PDLIM5: variants seen among roughly 807,000 people sequenced by gnomAD.
PDLIM5 encodes the protein PDZ and LIM domain 5, also known as PDZ and LIM domain protein 5.
PDLIM5 carries 34 observed loss-of-function variants against 64.2 expected under a neutral mutation model. That is an observed-to-expected ratio of 0.53 (90% CI 0.40 to 0.71). The LOEUF is 0.71. PDLIM5 is among the 30% of genes least tolerant of loss of function. PDLIM5 has a pLI of 0.00. For synonymous variants in PDLIM5, 253 were observed against 269.1 expected, an observed-to-expected ratio of 0.94 and a Z score of 0.59; for missense variants, 683 against 733.6, an observed-to-expected ratio of 0.93 and a Z score of 0.80.
chr4:94,478,156 C>T (rs1047589246), intron 2 of PDLIM5, among the ~76,000 whole-genome samples: 6 of 149,926 alleles, frequency 4.0e-5, no homozygotes, highest in Admixed American at 1.3e-4. Flanking sequence ...CTTAGGAAGC[C>T]GAGGCAGGAG....
At chr4:94,585,938 G>A (rs1206789549) in intron 6 of PDLIM5, among the ~76,000 whole-genome samples, 2 of 152,136 alleles carry the variant, frequency 1.3e-5, no homozygotes, top group Non-Finnish European at 2.9e-5. Flanking sequence ...TTGGGAGGCC[G>A]AGGCAGGCAG....
At chr4:94,600,980 G>A (rs552960822) in intron 7 of PDLIM5, among the ~76,000 whole-genome samples, 1 of 152,256 alleles carries the variant, frequency 6.6e-6, no homozygotes, top group South Asian at 2.1e-4. Flanking sequence ...AATCCATTAT[G>A]GAGTGGCAAC....
chr4:94,509,950 G>A (rs927034550), intron 2 of PDLIM5, among the ~76,000 whole-genome samples: 6 of 152,100 alleles, frequency 3.9e-5, no homozygotes, highest in African/African-American at 7.2e-5. Context: ...TCAATACTTT[G>A]TATCCTTCAA....
intron 3 of PDLIM5, among the ~76,000 whole-genome samples, chr4:94,551,062 T>A (rs1459692349): frequency 6.6e-6 from 1 of 152,078 alleles, no homozygotes; most frequent in Non-Finnish European, 1.5e-5. Flanking sequence ...AAGAACAAGA[T>A]GAAAGGATAC....
At chr4:94,508,988 C>T (rs1424823279) in intron 2 of PDLIM5, among the ~76,000 whole-genome samples, 1 of 152,130 alleles carries the variant, frequency 6.6e-6, no homozygotes, top group African/African-American at 2.4e-5. Context: ...ATACTTCTTT[C>T]CTTTTTTTGT....
intron 3 of PDLIM5, among the ~76,000 whole-genome samples, chr4:94,537,294 T>G (rs1731400271): frequency 6.6e-6 from 1 of 152,206 alleles, no homozygotes; most frequent in Non-Finnish European, 1.5e-5. Context: ...CACTTTTTCC[T>G]GTTACAATGA....
At chr4:94,502,031 T>C (rs1330143827) in intron 2 of PDLIM5, among the ~76,000 whole-genome samples, 1 of 152,154 alleles carries the variant, frequency 6.6e-6, no homozygotes. Flanking sequence ...TTTTCTCTCT[T>C]CGTTTCCTTC....
intron 9 of PDLIM5, among the ~76,000 whole-genome samples, chr4:94,640,979 G>C (rs998858369): frequency 6.6e-6 from 1 of 152,128 alleles, no homozygotes; most frequent in African/African-American, 2.4e-5. Flanking sequence ...TTTAAAATAC[G>C]TTTTATCCCA....
chr4:94,615,517 G>GA (rs1234270264), intron 7 of PDLIM5, among the ~76,000 whole-genome samples: 1 of 151,702 alleles, frequency 6.6e-6, no homozygotes, highest in Non-Finnish European at 1.5e-5. Flanking sequence ...ATAGAATCTG[G>GA]AAAAAAAAGG....
At chr4:94,458,764 A>G (rs1340474065) in intron 2 of PDLIM5, among the ~76,000 whole-genome samples, 1 of 152,242 alleles carries the variant, frequency 6.6e-6, no homozygotes, top group Non-Finnish European at 1.5e-5. Context: ...TGCTGAATAC[A>G]ACTTGTATCC....
intron 5 of PDLIM5, among the ~76,000 whole-genome samples, chr4:94,580,051 A>G (rs561785594): frequency 6.6e-6 from 1 of 152,254 alleles, no homozygotes; most frequent in African/African-American, 2.4e-5. Flanking sequence ...CATCTTTGAA[A>G]TTTGTTAAGA....
Position 94,488,357 on chromosome 4 carries a change from T to C in PDLIM5, c.96+32973T>C, listed in dbSNP as rs142795391. Among the ~76,000 whole-genome samples, 4 of 152,362 alleles carry C rather than the reference T, an allele frequency of 2.6e-5. No individual in the cohort carries two copies. In the East Asian group the frequency reaches 7.7e-4, roughly 29 times the overall value. ...CATTTTCAAGTTTCCTAGCAATTTT[T>C]ATTACTTCCATTTTATTGGGAAAAT... On this transcript the variant is annotated intron_variant, in intron 2 of 12. Coordinates refer to ENST00000317968, the MANE Select transcript of PDLIM5 (RefSeq NM_006457.5).
intron 2 of PDLIM5, among the ~76,000 whole-genome samples, chr4:94,497,092 T>A (rs574012828): frequency 1.1e-4 from 17 of 152,218 alleles, no homozygotes; most frequent in Non-Finnish European, 2.5e-4. Flanking sequence ...ATCTAAGAAT[T>A]GCTTAAGACT....
intron 2 of PDLIM5, among the ~76,000 whole-genome samples, chr4:94,517,495 A>G (rs1366989540): frequency 6.6e-6 from 1 of 152,212 alleles, no homozygotes; most frequent in Admixed American, 6.5e-5. Flanking sequence ...CTGCCTCAAG[A>G]AAGTCTTGTT....
At chr4:94,662,828 A>G (rs1188295558) in intron 12 of PDLIM5, among the ~76,000 whole-genome samples, 1 of 151,928 alleles carries the variant, frequency 6.6e-6, no homozygotes, top group Admixed American at 6.6e-5. Flanking sequence ...TTACTTAAAA[A>G]AAAAAAAACC....
chr4:94,659,484 ATATGTGTGTATGTGTG>A (rs70946540), intron 11 of PDLIM5, among the ~76,000 whole-genome samples: 1,339 of 133,794 alleles, frequency 0.01, 24 homozygotes, highest in African/African-American at 0.038. Flanking sequence ...GCTGTAGTAT[ATATGTGTGTATGTGTG>A]TGTGTGTGTG....
At chr4:94,637,212 A>T in intron 8 of PDLIM5, among the ~76,000 whole-genome samples, 1 of 152,182 alleles carries the variant, frequency 6.6e-6, no homozygotes. Flanking sequence ...TTCCTCATAA[A>T]TTAAAAAAGT....
At chr4:94,635,370 C>T (rs1033184672) in intron 8 of PDLIM5, among the ~76,000 whole-genome samples, 6 of 151,834 alleles carry the variant, frequency 4.0e-5, no homozygotes, top group African/African-American at 9.7e-5. Flanking sequence ...TTATTCAGTT[C>T]GAAAAAGTCA....
intron 2 of PDLIM5, chr4:94,456,903 A>C (rs1723421754): frequency 1.9e-6 from 2 of 1,048,786 alleles, no homozygotes. Flanking sequence ...TTCCCATTGT[A>C]TATAACTGTG....
Sources: gnomAD v4.1 joint callset for allele counts (sites outside exome capture counted in the v4.1 genomes callset) on GRCh38, gnomAD v4.1.1 for gene constraint, MANE v1.5 for transcripts, NCBI Gene and HGNC (gene_info 2026-07-23, HGNC 2026-07-21) for gene names.